JAK3: variants seen among roughly 807,000 people sequenced by gnomAD.
JAK3 encodes tyrosine-protein kinase JAK3.
A neutral mutation model predicts 120.8 loss-of-function variants in JAK3; 88 were observed. That is an observed-to-expected ratio of 0.73 (90% CI 0.61 to 0.87). JAK3 has a LOEUF of 0.87. JAK3 is among the 40% of genes least tolerant of loss of function. The pLI is 0.00. For missense variants in JAK3, 1,254 were observed against 1,501.4 expected, an observed-to-expected ratio of 0.84 and a Z score of 2.72; for synonymous variants, 592 against 628.6, an observed-to-expected ratio of 0.94 and a Z score of 0.87.
chr19:17,842,261 CTCCCCGAG>C lies in JAK3; in HGVS notation c.861+47_861+54del. 3.5e-6 allele frequency: 5 copies of C among 1,443,542 alleles called. No homozygotes were observed. The highest frequency in any genetic ancestry group is 4.6e-6 in the Non-Finnish European group (5 of 1,093,618). The allele number at this position is 1,443,542 out of a possible 1,614,324, so 89.4% of individuals were successfully genotyped here. ...CACATCCCCTACCACTCTCCGGCCC[CTCCCCGAG>C]CCCCGCCCCCACGTTGGCCCCGCCC... On this transcript the variant is annotated intron_variant, in intron 6 of 23. Transcript: ENST00000458235. The surrounding 1 kb of genome is among the most constrained non-coding windows in gnomAD (Gnocchi z 6.4).
In JAK3 at chr19:17,844,031, C is replaced by T. The variant is rs559025799; in HGVS notation, c.185-131G>A. 189 of 1,266,164 alleles carry T rather than the reference C, an allele frequency of 1.5e-4. 1 individual carries two copies. Among genetic ancestry groups the T allele is most frequent in the African/African-American group, 5.8e-4 (39 of 67,784 alleles). 78.4% of individuals were successfully genotyped at this position (1,266,164 alleles called of 1,614,324 possible). On this transcript the variant is annotated intron_variant, in intron 2 of 23. Coordinates refer to ENST00000458235, the MANE Select transcript of JAK3 (RefSeq NM_000215.4). ...ATGACCAGCTGTTCCCTTCATGTGC[C>T]GTCACACCTCTCCGTCTGCACAGGC...
At chr19:17,830,698 T>C in intron 21 of JAK3, 78 bp from the exon 22 acceptor site, 2 of 1,158,644 alleles carry the variant, frequency 1.7e-6, no homozygotes, top group South Asian at 2.4e-5. Flanking sequence ...AATGGGGAAC[T>C]GGTCAGGGTA....
At chr19:17,846,354 G>C (rs1471241469) in intron 1 of JAK3, among the ~76,000 whole-genome samples, 1 of 152,240 alleles carries the variant, frequency 6.6e-6, no homozygotes, top group East Asian at 1.9e-4. Flanking sequence ...GCGGTGTGGT[G>C]GTTACTGTGG....
rs2094239335 is a variant in JAK3, at chr19:17,841,685, T to C, written c.939A>G (p.Gly313=). Residue 313 remains glycine (G), a synonymous_variant, in exon 7 of 24, where the codon GGA becomes GGG. Transcript: ENST00000458235. This position sits in a 1 kb window ranked among gnomAD's most constrained non-coding sequence, Gnocchi z 4.1. The stretch of plus-strand genomic sequence containing the variant: ...TGGTAACAGTGACCAGGCGGTGCTC[T>C]CCGGCCGGGCCAACGCGCGGGGCCT... The part of the protein sequence containing the change: ...IKQAPRVGPA[G]EHRLVTVTRT... 2.5e-6 allele frequency: 4 copies of C among 1,613,740 alleles called. No homozygotes were observed. The highest frequency in any genetic ancestry group is 3.4e-6 in the Non-Finnish European group (4 of 1,179,972).
Position 17,830,612 on chromosome 19 carries a change from G to A in JAK3, c.2987C>T (p.Pro996Leu), listed in dbSNP as rs759983860. The A allele has an allele frequency of 1.9e-6, 3 of 1,613,426 alleles. No individual in the cohort carries two copies. The highest frequency in any genetic ancestry group is 3.3e-5 in the Admixed American group (2 of 59,928). The change falls in exon 22 of 24, where the codon CCC (proline) becomes CTC (leucine). Residue 996 changes from proline to leucine, a missense_variant. Around this residue, in one of 3 missense-constraint regions of JAK3, gnomAD observed 630 missense variants for 819.8 expected, o/e 0.77. Transcript: ENST00000458235. ...PGQSPIFWYAPESLSDNIFSR... is the reference protein window; with the variant it reads ...PGQSPIFWYALESLSDNIFSR... ...GAAGATGTTGTCCGAGAGGGATTCG[G>A]GGGCATACCTGGAGAGGGGACAAGG...
At position 17,839,642 on chromosome 19, in the gene JAK3, T is replaced by G. The variant is rs1476203763; in HGVS notation, c.1276A>C (p.Lys426Gln). The G allele has an allele frequency of 6.2e-7, 1 of 1,611,028 alleles. No individual in the cohort carries two copies. The highest frequency in any genetic ancestry group is 1.7e-5 in the Admixed American group (1 of 59,584). The change falls in exon 10 of 24, where the codon AAG becomes CAG. Residue 426 changes from lysine to glutamine, a missense_variant. By Grantham distance (53) the Lys-to-Gln change is moderately conservative. Around this residue, in one of 3 missense-constraint regions of JAK3, gnomAD observed 486 missense variants for 503.0 expected, o/e 0.97. Transcript: ENST00000458235. ...GGGCTGCGCCGGATGAGGCAGCCCT[T>G]ATAATCAGGACCAAGGGGGTTCTGC... is the stretch of plus-strand genomic sequence containing the variant. ...CVQNPLGPDY[K>Q]GCLIRRSPTG...
rs2094237313 is a variant in JAK3 at position 17,841,038 on chromosome 19, A to C, written c.1142+351T>G. 2.0e-5 allele frequency among the ~76,000 whole-genome samples: 3 copies of C among 151,720 alleles called. No homozygotes were observed. Among genetic ancestry groups the C allele is most frequent in the Non-Finnish European group, 4.4e-5 (3 of 67,944 alleles). On this transcript the variant is annotated intron_variant, in intron 8 of 23. Coordinates refer to ENST00000458235, the MANE Select transcript of JAK3 (RefSeq NM_000215.4). This position sits in a 1 kb window ranked among gnomAD's most constrained non-coding sequence, Gnocchi z 4.1. ...TCTCCTGTTGCCTAGACTTGTCTCCAACTCCTGAGTTCAAACAATCCTCCT... is the reference window on the plus strand; with the variant it reads ...TCTCCTGTTGCCTAGACTTGTCTCCCACTCCTGAGTTCAAACAATCCTCCT...
chr19:17,828,590 C>T (rs3212791), intron 23 of JAK3, among the ~76,000 whole-genome samples: 89,636 of 143,194 alleles, frequency 0.63, 29,586 homozygotes, highest in East Asian at 0.97. Context: ...GGTCTCACTA[C>T]GTTGCCCAGG....
At chr19:17,828,012 C>T (rs1414256712) in intron 23 of JAK3, among the ~76,000 whole-genome samples, 1 of 152,088 alleles carries the variant, frequency 6.6e-6, no homozygotes, top group Non-Finnish European at 1.5e-5. Context: ...GCCTCCATCG[C>T]ACTGGTGCTT....
At chr19:17,830,475 G>T in intron 22 of JAK3, 28 bp downstream of exon 22, 1 of 1,571,904 alleles carries the variant, frequency 6.4e-7, no homozygotes, top group Non-Finnish European at 8.7e-7. Flanking sequence ...GGGAGAAGAA[G>T]GCTGGGGGCT....
In JAK3 at chr19:17,835,111, C is replaced by A. The variant is rs2147682838; in HGVS notation, c.2019G>T (p.Gly673=). The A allele has an allele frequency of 6.2e-7, 1 of 1,614,186 alleles. No individual in the cohort carries two copies. Among genetic ancestry groups the A allele is most frequent in the Non-Finnish European group, 8.5e-7 (1 of 1,180,026 alleles). ...CCAGGCTTAACACAGCGGGGCTGAC[C>A]CCAGGGTCACTCAGCTTGATGAAGG... ...SPPFIKLSDP[G]VSPAVLSLEM... is the part of the protein sequence containing the mutation. Residue 673 remains glycine (G), a synonymous_variant, in exon 15 of 24, where the codon GGG becomes GGT. Transcript: ENST00000458235.
At chr19:17,827,795 G>C (rs1229945349) in intron 23 of JAK3, among the ~76,000 whole-genome samples, 2 of 141,196 alleles carry the variant, frequency 1.4e-5, no homozygotes, top group African/African-American at 5.4e-5. Context: ...CCAGCTACTC[G>C]GGAGTCTAAG....
Position 17,832,445 on chromosome 19 carries a change from T to C in JAK3, c.2680+74A>G. ...CGTTCCCAGCCTACCTAAAGTGGCC[T>C]GGCAGGAGGGTAAGAATGTGCACTT... On this transcript the variant is annotated intron_variant, in intron 19 of 23. Transcript: ENST00000458235. This position sits in a 1 kb window ranked among gnomAD's most constrained non-coding sequence, Gnocchi z 4.7. The C allele has an allele frequency of 6.7e-7, 1 of 1,484,624 alleles. No individual in the cohort carries two copies. 92.0% of individuals were successfully genotyped at this position (1,484,624 alleles called of 1,614,324 possible).
rs201966394 is a variant in JAK3, at chr19:17,832,696, T to A, written c.2503A>T (p.Ser835Cys). 56 of 1,614,114 alleles carry A rather than the reference T, an allele frequency of 3.5e-5. No homozygotes were observed. The highest frequency in any genetic ancestry group is 1.6e-4 in the Middle Eastern group (1 of 6,084). ...GGGTCATAGCGGCACAGCTCCACGC[T>A]GCCAAAGTTGCCCTGGGGGATAGCG... is the stretch of plus-strand genomic sequence containing the variant. Reference protein sequence around the residue: ...ISQLGKGNFGSVELCRYDPLG... With the variant: ...ISQLGKGNFGCVELCRYDPLG... The change falls in exon 19 of 24, where the codon AGC becomes TGC. Residue 835 changes from serine (S) to cysteine (C), a missense_variant. By Grantham distance (112) the Ser-to-Cys change is moderately radical (BLOSUM62 -1). Coordinates refer to ENST00000458235, the MANE Select transcript of JAK3 (RefSeq NM_000215.4). The surrounding 1 kb of genome is among the most constrained non-coding windows in gnomAD (Gnocchi z 4.7).
intron 9 of JAK3, 77 bp downstream of exon 9, chr19:17,840,153 A>C (rs2094234580): frequency 1.0e-6 from 1 of 973,890 alleles, no homozygotes; most frequent in Non-Finnish European, 1.6e-6. Flanking sequence ...CCAAATGCTG[A>C]CTGATCTTTT....
chr19:17,831,666 C>A lies in JAK3; in HGVS notation c.2805+8G>T. 1 of 1,605,040 alleles carries A rather than the reference C, an allele frequency of 6.2e-7. No homozygotes were observed. Among genetic ancestry groups the A allele is most frequent in the Non-Finnish European group, 8.5e-7 (1 of 1,176,750 alleles). ...AATCCCCACAAGTCCCGGGGCGCCCCCTCGCACCTTGCAGATCTGCGAGGA... is the reference window on the plus strand; with the variant it reads ...AATCCCCACAAGTCCCGGGGCGCCCACTCGCACCTTGCAGATCTGCGAGGA... On this transcript the variant is annotated splice_region_variant and intron_variant, in intron 20 of 23. Coordinates refer to ENST00000458235, the MANE Select transcript of JAK3 (RefSeq NM_000215.4). This position sits in a 1 kb window ranked among gnomAD's most constrained non-coding sequence, Gnocchi z 5.1.
rs1218361570 is a variant in JAK3, at chr19:17,833,048, C to T, written c.2351-119G>A. On this transcript the variant is annotated intron_variant, in intron 17 of 23. Coordinates refer to ENST00000458235, the MANE Select transcript of JAK3 (RefSeq NM_000215.4). ...ACCCTCTCTGTGCATTATGGCAGGGCCATTGCAAGCCAAAGGGTACCTTGT... is the reference window on the plus strand; with the variant it reads ...ACCCTCTCTGTGCATTATGGCAGGGTCATTGCAAGCCAAAGGGTACCTTGT... 1.3e-5 allele frequency: 20 copies of T among 1,497,756 alleles called. No individual in the cohort carries two copies. In the East Asian group the frequency reaches 1.5e-4, roughly 11 times the overall value. The allele number at this position is 1,497,756 out of a possible 1,614,324, so 92.8% of individuals were successfully genotyped here. A position where few individuals can be genotyped will look rare whatever the true frequency, so the allele number is the denominator to read the frequency against.
chr19:17,837,719 ATT>A (rs1198444813), intron 12 of JAK3, among the ~76,000 whole-genome samples: 1 of 148,792 alleles, frequency 6.7e-6, no homozygotes, highest in Non-Finnish European at 1.5e-5. Flanking sequence ...CCGGCCTAAA[ATT>A]TTTTTGTCAA....
chr19:17,830,653 G>A (rs367903432), intron 21 of JAK3, 33 bp from the exon 22 acceptor site: 1 of 1,563,948 alleles, frequency 6.4e-7, no homozygotes, highest in Non-Finnish European at 8.8e-7. Flanking sequence ...AGATGCGAGG[G>A]TGTAGAAAGG....
Sources: gnomAD v4.1 joint callset for allele counts (sites outside exome capture counted in the v4.1 genomes callset) on GRCh38, gnomAD v4.1.1 for gene constraint, gnomAD v4.1.1 regional missense constraint, Gnocchi (gnomAD v3.1) non-coding constraint, MANE v1.5 for transcripts, NCBI Gene and HGNC (gene_info 2026-07-23, HGNC 2026-07-21) for gene names.